WWOX: variants seen among roughly 807,000 people sequenced by gnomAD.
WWOX encodes the protein WW domain containing oxidoreductase.
WWOX carries 69 observed loss-of-function variants against 46.2 expected under a neutral mutation model. The ratio of observed to expected loss-of-function variants is 1.49; its 90% CI spans 1.23 to 1.82. The LOEUF (loss-of-function observed/expected upper bound fraction) is 1.82. Ranked by LOEUF, WWOX falls within the 40% of genes most tolerant of loss-of-function variation. The pLI is 0.00. For missense variants in WWOX, 919 were observed against 542.6 expected (o/e 1.69, Z -6.89); for synonymous variants, 359 against 202.6 (o/e 1.77, Z -6.56).
At chr16:78,780,775 A>G (rs1025955125) in intron 8 of WWOX, among the ~76,000 whole-genome samples, 1 of 152,206 alleles carries the variant, frequency 6.6e-6, no homozygotes, top group Admixed American at 6.5e-5. Flanking sequence ...AGGGGCCCGT[A>G]TGGCTAGCAT....
chr16:78,966,233 TTAAGAGGCTATAGGTTAAGAGGAGATAAC>T (rs2151317663), intron 8 of WWOX, among the ~76,000 whole-genome samples: 1 of 152,302 alleles, frequency 6.6e-6, no homozygotes, highest in South Asian at 2.1e-4. Flanking sequence ...AGGCACTGGT[TTAAGAGGCTATAGGTTAAGAGGAGATAAC>T]AGACATGCTC....
intron 8 of WWOX, among the ~76,000 whole-genome samples, chr16:78,744,002 G>A (rs2049289941): frequency 6.6e-6 from 1 of 151,986 alleles, no homozygotes; most frequent in Non-Finnish European, 1.5e-5. Flanking sequence ...TCCTTGCTTT[G>A]TTTATGCGTT....
intron 8 of WWOX, chr16:78,551,157 C>G (rs1035337211): frequency 2.6e-5 from 4 of 151,974 alleles, no homozygotes; most frequent in Admixed American, 1.3e-4. Flanking sequence ...AAACAAATAT[C>G]ATGAATTTAT....
chr16:78,977,091 C>G (rs765970554), intron 8 of WWOX, among the ~76,000 whole-genome samples: 6 of 152,180 alleles, frequency 3.9e-5, no homozygotes, highest in Non-Finnish European at 7.3e-5. Flanking sequence ...TTTGATGCCT[C>G]CAGGCAATTT....
intron 5 of WWOX, among the ~76,000 whole-genome samples, chr16:78,331,005 C>T (rs1261178539): frequency 6.6e-6 from 1 of 152,122 alleles, no homozygotes; most frequent in East Asian, 1.9e-4. Flanking sequence ...GAAGTTGATG[C>T]TAAAGATTGG....
At chr16:79,064,460 C>G (rs2048407595) in intron 8 of WWOX, among the ~76,000 whole-genome samples, 1 of 152,182 alleles carries the variant, frequency 6.6e-6, no homozygotes, top group Admixed American at 6.5e-5. Context: ...CCTGCAGAAC[C>G]CATGCGTCGT....
intron 8 of WWOX, among the ~76,000 whole-genome samples, chr16:78,886,602 GCTTTCCAGAAA>G (rs1441060589): frequency 1.4e-5 from 2 of 147,862 alleles, no homozygotes; most frequent in African/African-American, 5.0e-5. Flanking sequence ...TTGTCCAATT[GCTTTCCAGAAA>G]CTATATAAAA....
At chr16:78,365,369 G>C (rs7201630) in intron 5 of WWOX, among the ~76,000 whole-genome samples, 1 of 152,006 alleles carries the variant, frequency 6.6e-6, no homozygotes, top group African/African-American at 2.4e-5. Context: ...AGTGGGTTCT[G>C]TTTATTGAGA....
intron 8 of WWOX, among the ~76,000 whole-genome samples, chr16:79,087,577 C>G (rs1056414631): frequency 1.3e-5 from 2 of 151,844 alleles, no homozygotes; most frequent in Non-Finnish European, 1.5e-5. Context: ...CTGTGCTGGA[C>G]AAGAAGTCCT....
At chr16:78,727,579 C>T (rs1597501466) in intron 8 of WWOX, among the ~76,000 whole-genome samples, 1 of 152,142 alleles carries the variant, frequency 6.6e-6, no homozygotes, top group Non-Finnish European at 1.5e-5. Context: ...TCCGTGGGGG[C>T]CCTGGTGCTA....
intron 7 of WWOX, among the ~76,000 whole-genome samples, chr16:78,427,866 G>A (rs542266387): frequency 6.6e-6 from 1 of 152,182 alleles, no homozygotes; most frequent in African/African-American, 2.4e-5. Context: ...TCAAGAGTTC[G>A]AGATCAGCCT....
intron 8 of WWOX, chr16:79,106,482 A>G (rs1033215071): frequency 1.3e-5 from 2 of 152,072 alleles, no homozygotes; most frequent in African/African-American, 2.4e-5. Context: ...TCCCTGAAAT[A>G]AAATACGCAA....
intron 5 of WWOX, among the ~76,000 whole-genome samples, chr16:78,383,048 G>T (rs1597137541): frequency 6.6e-6 from 1 of 150,528 alleles, no homozygotes; most frequent in Non-Finnish European, 1.5e-5. Flanking sequence ...TTGTAAACAA[G>T]CAGATCTTAG....
Position 78,563,490 on chromosome 16 carries a change from AACACAC to A in WWOX, c.1056+130759_1056+130764del, listed in dbSNP as rs61298369. Among the ~76,000 whole-genome samples the A allele has an allele frequency of 1.1e-3, 158 of 137,850 alleles. 1 individual carries two copies. Among genetic ancestry groups the A allele is most frequent in the African/African-American group, 3.4e-3 (125 of 36,236 alleles). 90.4% of individuals were successfully genotyped at this position (137,850 alleles called of 152,430 possible). On this transcript the variant is annotated intron_variant, in intron 8 of 8. Coordinates refer to ENST00000566780, the MANE Select transcript of WWOX (RefSeq NM_016373.4). The stretch of plus-strand genomic sequence containing the variant: ...CAGGATACGGGCACTCGTGTGGGTG[AACACAC>A]ACACACACACACACACACACGCTTT...
At chr16:78,363,889 C>T (rs9932337) in intron 5 of WWOX, among the ~76,000 whole-genome samples, 1 of 152,164 alleles carries the variant, frequency 6.6e-6, no homozygotes, top group Non-Finnish European at 1.5e-5. Flanking sequence ...GGAAGCCCAG[C>T]ATGGAGACCC....
chr16:78,132,055 C>G (rs2033619812), intron 4 of WWOX, among the ~76,000 whole-genome samples: 1 of 142,092 alleles, frequency 7.0e-6, no homozygotes, highest in Non-Finnish European at 1.5e-5. Flanking sequence ...GACAGAGTCT[C>G]ACTCTGTCGC....
chr16:78,122,390 T>C (rs2033139838), intron 4 of WWOX, among the ~76,000 whole-genome samples: 1 of 152,124 alleles, frequency 6.6e-6, no homozygotes, highest in African/African-American at 2.4e-5. Flanking sequence ...ATGAGAGTCA[T>C]ACAAACTATT....
chr16:78,935,789 T>G (rs1177630481), intron 8 of WWOX, among the ~76,000 whole-genome samples: 1 of 152,052 alleles, frequency 6.6e-6, no homozygotes, highest in Non-Finnish European at 1.5e-5. Context: ...GGCACCTGCC[T>G]GTACCCCAGC....
chr16:78,383,934 C>G (rs1365883568), intron 5 of WWOX, among the ~76,000 whole-genome samples: 1 of 152,086 alleles, frequency 6.6e-6, no homozygotes, highest in Non-Finnish European at 1.5e-5. Flanking sequence ...TGATTTTCTT[C>G]TTATTGATAG....
Sources: gnomAD v4.1 joint callset for allele counts (sites outside exome capture counted in the v4.1 genomes callset) on GRCh38, gnomAD v4.1.1 for gene constraint, MANE v1.5 for transcripts, NCBI Gene and HGNC (gene_info 2026-07-23, HGNC 2026-07-21) for gene names.